SLC35H1: variants seen among roughly 807,000 people sequenced by gnomAD.
The protein encoded by SLC35H1 is ovarian cancer-overexpressed gene 1 protein.
the SLC35H1 span, chr20:46,357,587 C>G: frequency 6.3e-7 from 1 of 1,599,872 alleles, no homozygotes; most frequent in South Asian, 1.1e-5. Context: ...CCCAGCCCCT[C>G]TTCCTGCTCT....
the SLC35H1 span, chr20:46,355,968 G>A: frequency 1.3e-6 from 2 of 1,567,924 alleles, no homozygotes; most frequent in Admixed American, 1.9e-5. This position sits in a 1 kb window ranked among gnomAD's most constrained non-coding sequence, Gnocchi z 4.8. Flanking sequence ...TGAGCGAAAT[G>A]ACCAAACAGA....
At chr20:46,350,605 C>G in the SLC35H1 span, 2 of 1,523,582 alleles carry the variant, frequency 1.3e-6, no homozygotes, top group South Asian at 2.6e-5. Flanking sequence ...TGCTGAGTCA[C>G]CCAGGCCCCA....
the SLC35H1 span, chr20:46,353,065 T>C: frequency 6.6e-6 from 1 of 152,248 alleles, no homozygotes; most frequent in Non-Finnish European, 1.5e-5. Flanking sequence ...TTTCAGCCAG[T>C]TCACCTACAA....
At chr20:46,357,895 CTA>C in the SLC35H1 span, 2 of 1,068,782 alleles carry the variant, frequency 1.9e-6, no homozygotes, top group South Asian at 3.0e-5. Flanking sequence ...GAGGACCTTG[CTA>C]TGTGTGTAGG....
chr20:46,359,901 T>C, the SLC35H1 span, among the ~76,000 whole-genome samples: 7 of 152,296 alleles, frequency 4.6e-5, no homozygotes, highest in African/African-American at 1.7e-4. Context: ...TTACATTCCA[T>C]TCTGCACTCT....
chr20:46,358,180 C>T, the SLC35H1 span, among the ~76,000 whole-genome samples: 1 of 152,196 alleles, frequency 6.6e-6, no homozygotes, highest in African/African-American at 2.4e-5. Context: ...CTTCACACCC[C>T]CCGCTCTCCT....
At chr20:46,349,140 G>C in the SLC35H1 span, 1 of 152,300 alleles carries the variant, frequency 6.6e-6, no homozygotes, top group Admixed American at 6.5e-5. Context: ...GGCTCTGGGA[G>C]CCAGTGTGGT....
At chr20:46,360,337 A>G in the SLC35H1 span, among the ~76,000 whole-genome samples, 3 of 152,082 alleles carry the variant, frequency 2.0e-5, no homozygotes, top group African/African-American at 7.2e-5. Flanking sequence ...ATCTACAGCA[A>G]TGGCACTAGT....
At chr20:46,356,778 A>G in the SLC35H1 span, 1 of 716,082 alleles carries the variant, frequency 1.4e-6, no homozygotes, top group South Asian at 1.8e-5. Context: ...CTTCTTTTCC[A>G]CCAGCAACTA....
chr20:46,354,865 G>T, the SLC35H1 span: 4 of 1,576,924 alleles, frequency 2.5e-6, no homozygotes, highest in Middle Eastern at 1.7e-4. Flanking sequence ...GCCCTTGAGA[G>T]GGAAGGCCCA....
chr20:46,351,165 G>T, the SLC35H1 span, among the ~76,000 whole-genome samples: 1 of 152,240 alleles, frequency 6.6e-6, no homozygotes, highest in Non-Finnish European at 1.5e-5. Flanking sequence ...GGGGACCAGG[G>T]TGTCCAGATC....
the SLC35H1 span, among the ~76,000 whole-genome samples, chr20:46,359,561 T>C: frequency 7.2e-5 from 11 of 152,180 alleles, no homozygotes; most frequent in South Asian, 4.1e-4. Flanking sequence ...GCTGGAACAC[T>C]GTAAGACCAG....
chr20:46,352,449 G>A, the SLC35H1 span: 2 of 552,216 alleles, frequency 3.6e-6, no homozygotes, highest in Non-Finnish European at 6.5e-6. Flanking sequence ...AGAGCGCCTG[G>A]GGGCAATACA....
chr20:46,355,972 A>G, the SLC35H1 span: 15 of 1,561,102 alleles, frequency 9.6e-6, no homozygotes, highest in Admixed American at 5.7e-5. This position sits in a 1 kb window ranked among gnomAD's most constrained non-coding sequence, Gnocchi z 4.8. Flanking sequence ...CGAAATGACC[A>G]AACAGAGCTG....
chr20:46,362,762 T>TA, the SLC35H1 span, among the ~76,000 whole-genome samples: 1 of 152,172 alleles, frequency 6.6e-6, no homozygotes, highest in Non-Finnish European at 1.5e-5. Context: ...TTCGAAGGCT[T>TA]AGTCTCTATT....
the SLC35H1 span, among the ~76,000 whole-genome samples, chr20:46,355,589 G>C: frequency 6.6e-6 from 1 of 152,170 alleles, no homozygotes; most frequent in Non-Finnish European, 1.5e-5. The surrounding 1 kb of genome is among the most constrained non-coding windows in gnomAD (Gnocchi z 4.8). Flanking sequence ...TCATCCTGCA[G>C]TGCTTTCACC....
chr20:46,356,765 G>A, the SLC35H1 span: 3 of 815,912 alleles, frequency 3.7e-6, no homozygotes, highest in African/African-American at 5.2e-5. Flanking sequence ...GGGGCCCTTG[G>A]GCCTTCTTTT....
chr20:46,357,674 C>A, the SLC35H1 span: 1 of 1,614,154 alleles, frequency 6.2e-7, no homozygotes, highest in Non-Finnish European at 8.5e-7. Flanking sequence ...ACCACACGGG[C>A]CCTGTGGCTG....
At chr20:46,357,588 T>C in the SLC35H1 span, 32 of 1,600,444 alleles carry the variant, frequency 2.0e-5, no homozygotes, top group Non-Finnish European at 2.6e-5. Flanking sequence ...CCAGCCCCTC[T>C]TCCTGCTCTG....
Sources: gnomAD v4.1 joint callset for allele counts (sites outside exome capture counted in the v4.1 genomes callset) on GRCh38, gnomAD v4.1.1 for gene constraint, Gnocchi (gnomAD v3.1) non-coding constraint, MANE v1.5 for transcripts, NCBI Gene and HGNC (gene_info 2026-07-23, HGNC 2026-07-21) for gene names.